Variants in SEC63 observed in about 807,000 individuals in gnomAD.
SEC63 encodes the protein translocation protein SEC63 homolog.
Under a neutral mutation model 116.2 loss-of-function variants are expected in SEC63, and 56 were observed. The ratio of observed to expected loss-of-function variants is 0.48; its 90% CI spans 0.39 to 0.60. The LOEUF (loss-of-function observed/expected upper bound fraction) is 0.60. Among genes scored for constraint, SEC63 ranks in the 20% least tolerant of loss-of-function variants. The pLI is 0.00. For missense variants in SEC63, 668 were observed against 900.0 expected, an observed-to-expected ratio of 0.74 and a Z score of 3.30; for synonymous variants, 273 against 294.6, an observed-to-expected ratio of 0.93 and a Z score of 0.75.
chr6:107,900,633 G>C (rs750106584), intron 13 of SEC63, among the ~76,000 whole-genome samples: 1 of 152,098 alleles, frequency 6.6e-6, no homozygotes, highest in African/African-American at 2.4e-5. Flanking sequence ...GGACGACAGA[G>C]TGAGACCCTG....
chr6:107,925,726 C>G lies in SEC63; in HGVS notation c.225-794G>C, dbSNP rs189815665. On this transcript the variant is annotated intron_variant, in intron 2 of 20. Transcript: ENST00000369002. ...TTAAAAGCCCTAAAGAAATACATAC[C>G]GTTTTTCTATCAAACCATTTCACTT... 1.9e-3 allele frequency among the ~76,000 whole-genome samples: 284 copies of G among 152,206 alleles called. 1 individual carries two copies. The highest frequency in any genetic ancestry group is 6.2e-3 in the African/African-American group (257 of 41,520).
At chr6:107,941,883 A>C (rs1326074959) in intron 1 of SEC63, among the ~76,000 whole-genome samples, 1 of 152,240 alleles carries the variant, frequency 6.6e-6, no homozygotes, top group Non-Finnish European at 1.5e-5. Context: ...AAAACGGGAC[A>C]CATAAAAGCC....
chr6:107,937,800 C>G (rs1049204676), intron 1 of SEC63, among the ~76,000 whole-genome samples: 2 of 152,054 alleles, frequency 1.3e-5, no homozygotes, highest in Admixed American at 1.3e-4. Context: ...TGATGTTGAG[C>G]ATTTTTCATG....
At chr6:107,895,622 A>G (rs1233324752) in intron 14 of SEC63, among the ~76,000 whole-genome samples, 1 of 152,154 alleles carries the variant, frequency 6.6e-6, no homozygotes, top group Non-Finnish European at 1.5e-5. Flanking sequence ...TATTTCTTGC[A>G]GATGCTCAAA....
intron 1 of SEC63, among the ~76,000 whole-genome samples, chr6:107,940,624 T>C (rs1476943886): frequency 6.6e-6 from 1 of 151,642 alleles, no homozygotes. Flanking sequence ...CGCGCACACA[T>C]ACACATACAC....
In SEC63 at chr6:107,934,997, G is replaced by T. The variant is rs1174277898; in HGVS notation, c.125-5483C>A. ...GCCCCGTCCGGCAGGGAGGTGGGGG[G>T]GTCAGCCCCCCGCCCGGCCAGCCAC... is the stretch of plus-strand genomic sequence containing the variant. On this transcript the variant is annotated intron_variant, in intron 1 of 20. Coordinates refer to ENST00000369002, the MANE Select transcript of SEC63 (RefSeq NM_007214.5). Among the ~76,000 whole-genome samples the T allele has an allele frequency of 6.4e-5, 8 of 124,732 alleles. 1 individual carries two copies. The highest frequency in any genetic ancestry group is 2.2e-4 in the African/African-American group (7 of 31,690). 81.8% of individuals were successfully genotyped at this position (124,732 alleles called of 152,430 possible). A position where few individuals can be genotyped will look rare whatever the true frequency, so the allele number is the denominator to read the frequency against.
intron 1 of SEC63, among the ~76,000 whole-genome samples, chr6:107,939,154 A>G (rs1433085283): frequency 6.6e-6 from 1 of 152,100 alleles, no homozygotes; most frequent in African/African-American, 2.4e-5. Flanking sequence ...GTGGTGGTAC[A>G]CACCTACAGT....
At chr6:107,889,437 A>G (rs996068384) in intron 16 of SEC63, among the ~76,000 whole-genome samples, 4 of 152,086 alleles carry the variant, frequency 2.6e-5, no homozygotes, top group African/African-American at 9.7e-5. Context: ...CAGTGGTGAC[A>G]TCCCCTTTAT....
At chr6:107,922,006 GA>G in intron 3 of SEC63, 97 bp from the exon 4 acceptor site, 3 of 706,008 alleles carry the variant, frequency 4.2e-6, no homozygotes, top group Non-Finnish European at 7.4e-6. Context: ...CTTAAAATAT[GA>G]ACTACTCAGT....
intron 1 of SEC63, 61 bp downstream of exon 1, chr6:107,957,825 A>C: frequency 6.8e-7 from 1 of 1,469,676 alleles, no homozygotes; most frequent in Non-Finnish European, 9.0e-7. Flanking sequence ...CGGGCGCCGC[A>C]GGGCCTGGGG....
At chr6:107,905,153 TA>T (rs1787120022) in intron 10 of SEC63, among the ~76,000 whole-genome samples, 1 of 152,222 alleles carries the variant, frequency 6.6e-6, no homozygotes. Context: ...TTATACTGCA[TA>T]TAATAGTTAA....
At chr6:107,943,565 T>C (rs1184113386) in intron 1 of SEC63, among the ~76,000 whole-genome samples, 1 of 152,226 alleles carries the variant, frequency 6.6e-6, no homozygotes, top group Non-Finnish European at 1.5e-5. Context: ...CCCATGTTGT[T>C]GAAGGGTTCT....
intron 1 of SEC63, among the ~76,000 whole-genome samples, chr6:107,941,757 A>G (rs1209503341): frequency 6.6e-6 from 1 of 152,244 alleles, no homozygotes; most frequent in East Asian, 1.9e-4. Flanking sequence ...GCTTCACTCA[A>G]TTAGAGGGCT....
chr6:107,946,087 C>T (rs1770476046), intron 1 of SEC63, among the ~76,000 whole-genome samples: 1 of 150,208 alleles, frequency 6.7e-6, no homozygotes, highest in African/African-American at 2.5e-5. Context: ...CAAGCGTGTA[C>T]CACCATGCCC....
intron 2 of SEC63, among the ~76,000 whole-genome samples, chr6:107,925,232 G>A (rs901565179): frequency 2.6e-5 from 4 of 152,114 alleles, no homozygotes; most frequent in African/African-American, 9.7e-5. Context: ...CATTAAATTA[G>A]ATCAAAATAA....
At chr6:107,913,787 T>G (rs1436083731) in intron 4 of SEC63, among the ~76,000 whole-genome samples, 1 of 152,210 alleles carries the variant, frequency 6.6e-6, no homozygotes, top group Non-Finnish European at 1.5e-5. Flanking sequence ...CCTTATACTC[T>G]CATATATTTT....
intron 1 of SEC63, among the ~76,000 whole-genome samples, chr6:107,944,379 A>T (rs909529275): frequency 6.6e-6 from 1 of 152,176 alleles, no homozygotes; most frequent in Admixed American, 6.5e-5. Context: ...GCACTTATAC[A>T]CACAAGTCTG....
intron 7 of SEC63, 47 bp downstream of exon 7, chr6:107,911,299 C>T: frequency 1.6e-6 from 2 of 1,270,610 alleles, no homozygotes; most frequent in Non-Finnish European, 2.3e-6. Context: ...CAAAACATGT[C>T]AATCTCCTTT....
intron 1 of SEC63, among the ~76,000 whole-genome samples, chr6:107,939,576 AC>A (rs978184545): frequency 3.9e-5 from 6 of 152,024 alleles, no homozygotes; most frequent in Admixed American, 2.6e-4. Flanking sequence ...ACATGGCAAA[AC>A]CCCATCTCTA....
Sources: gnomAD v4.1 joint callset for allele counts (sites outside exome capture counted in the v4.1 genomes callset) on GRCh38, gnomAD v4.1.1 for gene constraint, MANE v1.5 for transcripts, NCBI Gene and HGNC (gene_info 2026-07-23, HGNC 2026-07-21) for gene names.